Variants in NTM observed in about 807,000 individuals in gnomAD.
NTM encodes IgLON family member 2.
A neutral mutation model predicts 42.1 loss-of-function variants in NTM; 13 were observed. The observed-to-expected ratio is 0.31, with a 90% CI of 0.20 to 0.49. The LOEUF (loss-of-function observed/expected upper bound fraction) is 0.49, where lower values mean the gene tolerates loss of function less well. NTM is among the 20% of genes least tolerant of loss of function. NTM has a pLI of 0.99. For missense variants in NTM, 373 were observed against 452.8 expected (o/e 0.82, Z 1.60); for synonymous variants, 187 against 179.2 (o/e 1.04, Z -0.35).
At chr11:131,945,459 C>T (rs1160399439) in intron 2 of NTM, among the ~76,000 whole-genome samples, 4 of 152,244 alleles carry the variant, frequency 2.6e-5, no homozygotes, top group African/African-American at 9.6e-5. Context: ...TTTTTCTGGT[C>T]CACTTGAGGT....
chr11:131,630,079 G>T (rs2063497330), intron 1 of NTM, among the ~76,000 whole-genome samples: 1 of 152,080 alleles, frequency 6.6e-6, no homozygotes. Flanking sequence ...ACTGTTTTAG[G>T]AAAATTATTG....
chr11:131,878,790 T>C (rs1375663759), intron 1 of NTM, among the ~76,000 whole-genome samples: 1 of 151,640 alleles, frequency 6.6e-6, no homozygotes, highest in Non-Finnish European at 1.5e-5. Flanking sequence ...TCTTTCTCAG[T>C]GCTGGCTGAT....
intron 1 of NTM, among the ~76,000 whole-genome samples, chr11:131,612,930 G>A (rs1414056573): frequency 2.6e-5 from 4 of 152,192 alleles, no homozygotes; most frequent in Non-Finnish European, 5.9e-5. Flanking sequence ...TTTTGTAATA[G>A]TCACAGTGCA....
chr11:131,747,976 C>T (rs1432516703), intron 1 of NTM, among the ~76,000 whole-genome samples: 2 of 152,170 alleles, frequency 1.3e-5, no homozygotes, highest in Non-Finnish European at 2.9e-5. Flanking sequence ...CACCACATAG[C>T]ACCTGCCATT....
chr11:131,930,562 G>A (rs1459031689), intron 2 of NTM, among the ~76,000 whole-genome samples: 1 of 151,992 alleles, frequency 6.6e-6, no homozygotes, highest in Non-Finnish European at 1.5e-5. Context: ...ATAATACATT[G>A]ATCACCTGTG....
intron 3 of NTM, among the ~76,000 whole-genome samples, chr11:132,195,376 C>G (rs10750503): frequency 0.68 from 103,268 of 151,786 alleles, 35,450 homozygotes; most frequent in Middle Eastern, 0.78. Flanking sequence ...ACTTCCCAAA[C>G]CAATTTACAG....
intron 1 of NTM, among the ~76,000 whole-genome samples, chr11:131,498,738 G>T (rs1156427488): frequency 6.6e-6 from 1 of 152,208 alleles, no homozygotes; most frequent in African/African-American, 2.4e-5. Flanking sequence ...AGCTCTGTTG[G>T]GAAGGGCTGG....
chr11:131,930,148 T>C (rs1157112086), intron 2 of NTM, among the ~76,000 whole-genome samples: 8 of 152,244 alleles, frequency 5.3e-5, no homozygotes, highest in Non-Finnish European at 8.8e-5. Flanking sequence ...AACATACTTC[T>C]ATTTTAAAAG....
At chr11:131,562,588 G>A (rs2056378894) in intron 1 of NTM, among the ~76,000 whole-genome samples, 1 of 151,852 alleles carries the variant, frequency 6.6e-6, no homozygotes, top group Non-Finnish European at 1.5e-5. Context: ...GCCAGGAGAT[G>A]CAGCCAGCAC....
intron 2 of NTM, among the ~76,000 whole-genome samples, chr11:132,050,041 C>T (rs567334596): frequency 6.6e-6 from 1 of 152,122 alleles, no homozygotes; most frequent in Non-Finnish European, 1.5e-5. Context: ...TAGGCTATCC[C>T]AAAAGGCAGT....
chr11:132,015,401 T>C (rs2073205607), intron 2 of NTM, among the ~76,000 whole-genome samples: 1 of 151,996 alleles, frequency 6.6e-6, no homozygotes, highest in Admixed American at 6.6e-5. Context: ...ATACAAATTT[T>C]AGGATTTTTT....
intron 1 of NTM, among the ~76,000 whole-genome samples, chr11:131,397,507 A>ATTTTGTAT (rs753979638): frequency 2.0e-4 from 31 of 152,232 alleles, no homozygotes; most frequent in Non-Finnish European, 3.7e-4. Context: ...CCAGCTTCTA[A>ATTTTGTAT]TTTTGTATTA....
At chr11:131,878,642 A>G (rs758801564) in intron 1 of NTM, among the ~76,000 whole-genome samples, 18 of 115,978 alleles carry the variant, frequency 1.6e-4, no homozygotes, top group Non-Finnish European at 2.6e-4. Flanking sequence ...TATATATATA[A>G]TGTCTTATGT....
chr11:132,149,334 A>G (rs1439687622), intron 3 of NTM, among the ~76,000 whole-genome samples: 2 of 152,122 alleles, frequency 1.3e-5, no homozygotes, highest in African/African-American at 4.8e-5. Flanking sequence ...TCTGGATTTG[A>G]AGTTGCTATT....
intron 4 of NTM, among the ~76,000 whole-genome samples, chr11:132,219,508 A>G (rs930103521): frequency 6.6e-6 from 1 of 151,780 alleles, no homozygotes; most frequent in Non-Finnish European, 1.5e-5. Flanking sequence ...TTAATTTAAT[A>G]TGTATAATAT....
chr11:131,421,024 T>C lies in NTM; in HGVS notation c.82+50136T>C, dbSNP rs58001110. Among the ~76,000 whole-genome samples the C allele has an allele frequency of 6.8e-3, 1,035 of 151,948 alleles. 10 individuals carry two copies. The highest frequency in any genetic ancestry group is 0.024 in the African/African-American group (989 of 41,442). ...CTTTCTTCATCCCAAGCAGATGGAG[T>C]GTGTACCCTTAGACCTGGAGTCCAG... On this transcript the variant is annotated intron_variant, in intron 1 of 8. Transcript: ENST00000683400.
intron 2 of NTM, among the ~76,000 whole-genome samples, chr11:132,057,786 C>T (rs151177733): frequency 2.1e-4 from 32 of 152,268 alleles, no homozygotes; most frequent in Non-Finnish European, 3.7e-4. Context: ...TCTTTCTTTC[C>T]CTTACTCAAA....
At chr11:131,854,094 C>A (rs542554599) in intron 1 of NTM, among the ~76,000 whole-genome samples, 2 of 152,308 alleles carry the variant, frequency 1.3e-5, no homozygotes, top group South Asian at 4.1e-4. Flanking sequence ...ACTACCCTCA[C>A]AAAGAAAGCA....
At chr11:131,956,520 C>T (rs1273906618) in intron 2 of NTM, among the ~76,000 whole-genome samples, 1 of 151,252 alleles carries the variant, frequency 6.6e-6, no homozygotes, top group African/African-American at 2.4e-5. Flanking sequence ...TAGTGAGGCT[C>T]TTAAGAATGC....
Sources: allele counts gnomAD v4.1 joint callset (sites outside exome capture counted in the v4.1 genomes callset), GRCh38; gene constraint gnomAD v4.1.1; transcripts MANE v1.5; gene names NCBI Gene and HGNC (gene_info 2026-07-23, HGNC 2026-07-21).